LIMD1: variants seen among roughly 807,000 people sequenced by gnomAD.
LIMD1 encodes the protein LIM domain-containing protein 1.
In LIMD1, 23 loss-of-function variants were observed where a neutral mutation model predicts 58.4. The ratio of observed to expected loss-of-function variants is 0.39; its 90% CI spans 0.28 to 0.56. LIMD1 has a LOEUF of 0.56. Among genes scored for constraint, LIMD1 ranks in the 20% least tolerant of loss-of-function variants. The pLI, the probability that LIMD1 is intolerant of heterozygous loss-of-function variation, is 0.57. For synonymous variants in LIMD1, 334 were observed against 345.5 expected (o/e 0.97, Z 0.37); for missense variants, 838 against 855.5 (o/e 0.98, Z 0.25).
At chr3:45,607,243 T>G (rs1701476799) in intron 1 of LIMD1, among the ~76,000 whole-genome samples, 1 of 152,106 alleles carries the variant, frequency 6.6e-6, no homozygotes, top group African/African-American at 2.4e-5. Flanking sequence ...CCACTCCAGT[T>G]TTTGTTTTCC....
chr3:45,666,402 C>A (rs915147036), intron 3 of LIMD1, among the ~76,000 whole-genome samples: 2 of 152,150 alleles, frequency 1.3e-5, no homozygotes, highest in South Asian at 2.1e-4. Flanking sequence ...CATCAAGAGG[C>A]CTTATAGGGC....
Position 45,595,768 on chromosome 3 carries a change from G to C in LIMD1, c.889G>C (p.Val297Leu). ...GCCTGTTCAGCCCAGGACCCCTTCT[G>C]TGTCAGCACCCTTGGCCCTGAGCTG... is the stretch of plus-strand genomic sequence containing the variant. ...VGPVQPRTPS[V>L]SAPLALSCPR... Residue 297 changes from valine to leucine, a missense_variant, in exon 1 of 8, where the codon GTG becomes CTG. Val to Leu is a conservative substitution (Grantham distance 32). Transcript: ENST00000273317. The C allele has an allele frequency of 6.2e-7, 1 of 1,614,122 alleles. No homozygotes were observed. The highest frequency in any genetic ancestry group is 8.5e-7 in the Non-Finnish European group (1 of 1,180,026).
At chr3:45,608,833 C>T (rs1444812136) in intron 1 of LIMD1, among the ~76,000 whole-genome samples, 5 of 64,976 alleles carry the variant, frequency 7.7e-5, no homozygotes, top group South Asian at 8.8e-4. Flanking sequence ...GAGCGAGACT[C>T]GGTATCAAAA....
chr3:45,595,013 G>T lies in LIMD1; in HGVS notation c.134G>T (p.Arg45Leu), dbSNP rs182022575. Reference protein sequence around the residue: ...AGNNPEFEETRRVFATKMAKI... With the variant: ...AGNNPEFEETLRVFATKMAKI... Reference sequence around the variant, plus strand: ...AACAACCCCGAGTTTGAGGAAACTCGCAGGGTGTTCGCCACCAAGATGGCC... The same window carrying T: ...AACAACCCCGAGTTTGAGGAAACTCTCAGGGTGTTCGCCACCAAGATGGCC... Residue 45 changes from arginine to leucine, a missense_variant, in exon 1 of 8, where the codon CGC becomes CTC. Arg to Leu is a moderately radical substitution (Grantham distance 102, BLOSUM62 -2). Coordinates refer to ENST00000273317, the MANE Select transcript of LIMD1 (RefSeq NM_014240.3). The T allele has an allele frequency of 8.3e-5, 134 of 1,613,968 alleles. No individual in the cohort carries two copies. The East Asian group carries it at 2.0e-3, about 24-fold the overall frequency.
rs934175568 is a variant in LIMD1 at position 45,673,378 on chromosome 3, G to T, written c.1773-76G>T. Reference sequence around the variant, plus strand: ...GGCGGCATGGAGGAAGGCTCCATGTGGATTCCAAGTGCAAGTCTGACTCTG... The same window carrying T: ...GGCGGCATGGAGGAAGGCTCCATGTTGATTCCAAGTGCAAGTCTGACTCTG... On this transcript the variant is annotated intron_variant, in intron 5 of 7. Transcript: ENST00000273317. 6 of 1,159,188 alleles carry T rather than the reference G, an allele frequency of 5.2e-6. No homozygotes were observed. The African/African-American group carries it at 6.0e-5, about 12-fold the overall frequency. 71.8% of individuals were successfully genotyped at this position (1,159,188 alleles called of 1,614,324 possible).
In LIMD1 at chr3:45,596,277, T is replaced by C. The variant is rs1701349896; in HGVS notation, c.1398T>C (p.Ala466=). 4 of 1,599,696 alleles carry C rather than the reference T, an allele frequency of 2.5e-6. No individual in the cohort carries two copies. Among genetic ancestry groups the C allele is most frequent in the Non-Finnish European group, 3.4e-6 (4 of 1,173,434 alleles). The change falls in exon 1 of 8, where the codon GCT becomes GCC. Residue 466 remains alanine (A), a synonymous_variant. Coordinates refer to ENST00000273317, the MANE Select transcript of LIMD1 (RefSeq NM_014240.3). ...GAGAGATGGATGCTCACCCGAAGGC[T>C]GATTACTTTGGTGAGTGAGAGGCTG... The part of the protein sequence containing the change: ...LEREMDAHPK[A]DYFGACVKCS...
intron 2 of LIMD1, among the ~76,000 whole-genome samples, chr3:45,658,535 C>CTTTTTTTTTTTTTTT (rs10572210): frequency 1.1e-4 from 5 of 44,754 alleles, no homozygotes; most frequent in Non-Finnish European, 1.4e-4. Flanking sequence ...CATGCAGATT[C>CTTTTTTTTTTTTTTT]TTTTTTTTTT....
chr3:45,674,026 G>T (rs947619201), intron 6 of LIMD1: 4 of 320,782 alleles, frequency 1.2e-5, no homozygotes, highest in Non-Finnish European at 2.3e-5. Context: ...TCCCTTACTT[G>T]ATACTAATTC....
intron 2 of LIMD1, among the ~76,000 whole-genome samples, chr3:45,659,524 G>A (rs986013816): frequency 2.1e-4 from 32 of 152,062 alleles, no homozygotes; most frequent in African/African-American, 6.3e-4. Flanking sequence ...GGAGGCTGAG[G>A]CTGCAGATTG....
At chr3:45,649,227 C>G (rs1701937668) in intron 2 of LIMD1, among the ~76,000 whole-genome samples, 1 of 152,074 alleles carries the variant, frequency 6.6e-6, no homozygotes, top group Non-Finnish European at 1.5e-5. Context: ...TCTGCTCCTT[C>G]TCATCCCTTT....
intron 1 of LIMD1, 142 bp downstream of exon 1, chr3:45,596,429 T>A (rs1701353315): frequency 1.4e-6 from 1 of 695,500 alleles, no homozygotes; most frequent in African/African-American, 1.8e-5. Flanking sequence ...GTTTTGGGCT[T>A]CCTCTTTCAG....
At chr3:45,664,493 A>G (rs369236247) in intron 2 of LIMD1, among the ~76,000 whole-genome samples, 4 of 152,324 alleles carry the variant, frequency 2.6e-5, no homozygotes, top group East Asian at 1.9e-4. Flanking sequence ...AAAAAGTCCT[A>G]CAGGAACCTA....
intron 1 of LIMD1, among the ~76,000 whole-genome samples, chr3:45,622,061 C>CA (rs34085619): frequency 0.23 from 25,069 of 108,392 alleles, 2,297 homozygotes; most frequent in East Asian, 0.28. Flanking sequence ...GACTCCATCT[C>CA]AAAAAAAAAA....
At chr3:45,626,523 G>A (rs902799365) in intron 1 of LIMD1, among the ~76,000 whole-genome samples, 1 of 152,208 alleles carries the variant, frequency 6.6e-6, no homozygotes, top group Non-Finnish European at 1.5e-5. Flanking sequence ...ACAACATTCT[G>A]GAAAAGGCAA....
chr3:45,595,164 C>T lies in LIMD1; in HGVS notation c.285C>T (p.Ser95=), dbSNP rs143647674. The T allele has an allele frequency of 6.2e-7, 1 of 1,604,994 alleles. No individual in the cohort carries two copies. Among genetic ancestry groups the T allele is most frequent in the Non-Finnish European group, 8.5e-7 (1 of 1,175,570 alleles). Reference sequence around the variant, plus strand: ...AGGCCCGTTGGGAAGTTGTGGGCAGCAAGCTGACTGTGGATGGTGCTGCCA... The same window carrying T: ...AGGCCCGTTGGGAAGTTGTGGGCAGTAAGCTGACTGTGGATGGTGCTGCCA... ...GPQARWEVVG[S]KLTVDGAAKP... The change falls in exon 1 of 8, where the codon AGC becomes AGT. Residue 95 remains serine (S), a synonymous_variant. Transcript: ENST00000273317.
chr3:45,659,654 C>G (rs1465745956), intron 2 of LIMD1, among the ~76,000 whole-genome samples: 1 of 152,084 alleles, frequency 6.6e-6, no homozygotes, highest in Non-Finnish European at 1.5e-5. Flanking sequence ...TCCAATATGA[C>G]TAAAACACTA....
intron 1 of LIMD1, among the ~76,000 whole-genome samples, chr3:45,605,096 T>C (rs1701455146): frequency 6.6e-6 from 1 of 152,234 alleles, no homozygotes; most frequent in African/African-American, 2.4e-5. Flanking sequence ...CACCAGCAGC[T>C]CAGGGTGTGA....
At chr3:45,602,641 T>C (rs1701426934) in intron 1 of LIMD1, among the ~76,000 whole-genome samples, 1 of 152,096 alleles carries the variant, frequency 6.6e-6, no homozygotes, top group Non-Finnish European at 1.5e-5. Flanking sequence ...GAGCCTGTCT[T>C]ACTTGATTTT....
At position 45,677,083 on chromosome 3, in the gene LIMD1, G is replaced by A. The variant is rs374606400; in HGVS notation, c.*24G>A. 39 of 1,606,786 alleles carry A rather than the reference G, an allele frequency of 2.4e-5. 1 individual carries two copies. In the East Asian group the frequency reaches 3.1e-4, roughly 13 times the overall value. ...AGCCAGAGCCACTTGCAGACATCACGGCAGGGGATGAGGAGCCGGGGTTGC... is the reference window on the plus strand; with the variant it reads ...AGCCAGAGCCACTTGCAGACATCACAGCAGGGGATGAGGAGCCGGGGTTGC... On this transcript the variant is annotated 3_prime_UTR_variant, in exon 8 of 8. Transcript: ENST00000273317.
Sources: allele counts gnomAD v4.1 joint callset (sites outside exome capture counted in the v4.1 genomes callset), GRCh38; gene constraint gnomAD v4.1.1; transcripts MANE v1.5; gene names NCBI Gene and HGNC (gene_info 2026-07-23, HGNC 2026-07-21).